Variants in THSD7B observed in about 807,000 individuals in gnomAD.
The protein encoded by THSD7B is thrombospondin type-1 domain-containing protein 7B.
In THSD7B, 138 loss-of-function variants were observed where a neutral mutation model predicts 213.6. The ratio of observed to expected loss-of-function variants is 0.65; its 90% confidence interval spans 0.56 to 0.74. THSD7B has a LOEUF of 0.74. THSD7B is among the 30% of genes least tolerant of loss of function. THSD7B has a pLI of 0.00. For synonymous variants in THSD7B, 742 were observed against 687.0 expected, an observed-to-expected ratio of 1.08 and a Z score of -1.25; for missense variants, 1,931 against 1,991.5, an observed-to-expected ratio of 0.97 and a Z score of 0.58.
intron 12 of THSD7B, among the ~76,000 whole-genome samples, chr2:137,351,792 T>G (rs1290431484): frequency 6.6e-6 from 1 of 151,894 alleles, no homozygotes; most frequent in South Asian, 2.1e-4. Context: ...AAGGATGGCC[T>G]TTTAATAATA....
At chr2:137,133,804 A>G (rs1688783802) in intron 5 of THSD7B, among the ~76,000 whole-genome samples, 1 of 152,236 alleles carries the variant, frequency 6.6e-6, no homozygotes, top group Admixed American at 6.5e-5. Flanking sequence ...AAAAATAAAT[A>G]ATGAGATAGT....
At chr2:137,361,006 A>G (rs1215658477) in intron 12 of THSD7B, among the ~76,000 whole-genome samples, 1 of 152,172 alleles carries the variant, frequency 6.6e-6, no homozygotes, top group African/African-American at 2.4e-5. Flanking sequence ...TGAAGTTTCC[A>G]GAGGAAGGAT....
intron 15 of THSD7B, among the ~76,000 whole-genome samples, chr2:137,545,843 C>T (rs559327621): frequency 1.2e-3 from 187 of 151,948 alleles, no homozygotes; most frequent in African/African-American, 4.3e-3. Flanking sequence ...CAAGCTGTCT[C>T]TGTGAGCCTT....
chr2:137,440,007 G>A (rs1687369936), intron 14 of THSD7B, among the ~76,000 whole-genome samples: 1 of 152,072 alleles, frequency 6.6e-6, no homozygotes, highest in Non-Finnish European at 1.5e-5. Flanking sequence ...TCTGAATGAA[G>A]AACGCTTCCA....
intron 2 of THSD7B, among the ~76,000 whole-genome samples, chr2:136,897,409 T>C (rs976137193): frequency 4.0e-5 from 6 of 151,732 alleles, no homozygotes; most frequent in African/African-American, 1.2e-4. Flanking sequence ...TCACAGTGAG[T>C]GTTACAGCTC....
intron 10 of THSD7B, among the ~76,000 whole-genome samples, chr2:137,269,540 G>A (rs1040357345): frequency 1.3e-5 from 2 of 152,004 alleles, no homozygotes; most frequent in Non-Finnish European, 2.9e-5. Context: ...CTTATTTACA[G>A]ACTCCTAAGG....
intron 5 of THSD7B, among the ~76,000 whole-genome samples, chr2:137,150,697 A>G (rs952352204): frequency 6.6e-6 from 1 of 152,074 alleles, no homozygotes; most frequent in Non-Finnish European, 1.5e-5. Flanking sequence ...TACAGGGCTT[A>G]ATGAGGGGGT....
intron 4 of THSD7B, among the ~76,000 whole-genome samples, chr2:137,096,292 T>C (rs1688037360): frequency 6.6e-6 from 1 of 152,206 alleles, no homozygotes; most frequent in Non-Finnish European, 1.5e-5. Flanking sequence ...AATAGTTTTC[T>C]GTATGAATTA....
At chr2:136,829,540 C>T (rs2104945846) in intron 1 of THSD7B, among the ~76,000 whole-genome samples, 1 of 152,244 alleles carries the variant, frequency 6.6e-6, no homozygotes, top group Admixed American at 6.5e-5. Context: ...TTGTACCAGG[C>T]TGAGTAACTA....
intron 17 of THSD7B, among the ~76,000 whole-genome samples, chr2:137,579,918 G>A (rs1228469944): frequency 6.6e-6 from 1 of 151,964 alleles, no homozygotes; most frequent in Non-Finnish European, 1.5e-5. Flanking sequence ...CCTGGAAAGA[G>A]TTTTATATAC....
chr2:137,326,201 T>C (rs2104886251), intron 12 of THSD7B, among the ~76,000 whole-genome samples: 1 of 152,274 alleles, frequency 6.6e-6, no homozygotes, highest in East Asian at 1.9e-4. Flanking sequence ...AGACCCATGA[T>C]CATAGCAAGG....
chr2:137,225,632 G>T (rs533460174), intron 7 of THSD7B, among the ~76,000 whole-genome samples: 1 of 152,110 alleles, frequency 6.6e-6, no homozygotes, highest in African/African-American at 2.4e-5. Flanking sequence ...ATATTAATAT[G>T]AATATTCAGT....
At chr2:137,544,009 T>G (rs905553766) in intron 15 of THSD7B, among the ~76,000 whole-genome samples, 1 of 151,820 alleles carries the variant, frequency 6.6e-6, no homozygotes. Flanking sequence ...TCATGTATTG[T>G]TGGTGAGAAC....
chr2:137,012,918 G>A (rs1686257659), intron 2 of THSD7B, among the ~76,000 whole-genome samples: 1 of 152,164 alleles, frequency 6.6e-6, no homozygotes, highest in South Asian at 2.1e-4. Context: ...ACTACCTGGA[G>A]TATAGACTTA....
chr2:137,319,825 G>A (rs900691742), intron 12 of THSD7B, among the ~76,000 whole-genome samples: 3 of 152,066 alleles, frequency 2.0e-5, no homozygotes, highest in Admixed American at 6.6e-5. Context: ...CGGTGGTGGC[G>A]GGTGGCGGGG....
At chr2:137,305,862 C>T (rs1683729568) in intron 12 of THSD7B, among the ~76,000 whole-genome samples, 1 of 152,094 alleles carries the variant, frequency 6.6e-6, no homozygotes, top group South Asian at 2.1e-4. Context: ...ACACCTAAGG[C>T]TATATGGTAT....
rs77088049 is a variant in THSD7B at position 136,901,906 on chromosome 2, A to C, written c.139+19589A>C. ...GCCCTTGATTGATTTTGAAATAGAC[A>C]AGCCAGCTTTCAGACCAGAGAATGA... On this transcript the variant is annotated intron_variant, in intron 2 of 27. Transcript: ENST00000409968. Among the ~76,000 whole-genome samples, 244 of 152,348 alleles carry C rather than the reference A, an allele frequency of 1.6e-3. 4 individuals carry two copies. In the East Asian group the frequency reaches 0.042, roughly 26 times the overall value.
chr2:137,140,306 T>G (rs1040284338), intron 5 of THSD7B, among the ~76,000 whole-genome samples: 1 of 152,212 alleles, frequency 6.6e-6, no homozygotes, highest in East Asian at 1.9e-4. Flanking sequence ...TCAGAAAGTT[T>G]ATTTCTCTTT....
chr2:137,347,555 A>ATT (rs5834547), intron 12 of THSD7B, among the ~76,000 whole-genome samples: 11 of 135,368 alleles, frequency 8.1e-5, no homozygotes, highest in East Asian at 4.5e-4. Flanking sequence ...ACTGATATTG[A>ATT]TTTTTTTTTT....
Sources: allele counts gnomAD v4.1 joint callset (sites outside exome capture counted in the v4.1 genomes callset), GRCh38; gene constraint gnomAD v4.1.1; transcripts MANE v1.5; gene names NCBI Gene and HGNC (gene_info 2026-07-23, HGNC 2026-07-21).